RAB33B: variants seen among roughly 807,000 people sequenced by gnomAD.
The protein encoded by RAB33B is ras-related protein Rab-33B.
RAB33B carries 6 observed loss-of-function variants against 15.0 expected under a neutral mutation model. That is an observed-to-expected ratio of 0.40 (90% CI 0.22 to 0.79). RAB33B has a LOEUF of 0.79. RAB33B is among the 30% of genes least tolerant of loss of function. The pLI, the probability that RAB33B is intolerant of heterozygous loss-of-function variation, is 0.37. For synonymous variants in RAB33B, 117 were observed against 108.3 expected (o/e 1.08, Z -0.50); for missense variants, 257 against 296.4 (o/e 0.87, Z 0.98).
At chr4:139,462,697 C>A (rs1417044302) in intron 1 of RAB33B, among the ~76,000 whole-genome samples, 1 of 152,156 alleles carries the variant, frequency 6.6e-6, no homozygotes, top group African/African-American at 2.4e-5. Flanking sequence ...AATGGCAAAT[C>A]TTTGAAATAA....
intron 1 of RAB33B, among the ~76,000 whole-genome samples, chr4:139,471,527 T>G (rs1403353936): frequency 6.6e-6 from 1 of 151,714 alleles, no homozygotes; most frequent in Non-Finnish European, 1.5e-5. Flanking sequence ...ATGAAGTTTT[T>G]TTTTTTTTTT....
intron 1 of RAB33B, among the ~76,000 whole-genome samples, chr4:139,471,994 T>C (rs1750401393): frequency 6.6e-6 from 1 of 152,216 alleles, no homozygotes; most frequent in South Asian, 2.1e-4. Context: ...GGTAATCTTG[T>C]TAAAAATCAG....
chr4:139,451,363 C>CTTTTTTTTTTTTTTTTTTTTTTTTTTTTT (rs901731114), upstream of RAB33B: 1 of 108,664 alleles, frequency 9.2e-6, no homozygotes, highest in African/African-American at 3.9e-5. Context: ...ACCACACCCA[C>CTTTTTTTTTTTTTTTTTTTTTTTTTTTTT]TTTTTTTTTT....
intron 1 of RAB33B, among the ~76,000 whole-genome samples, chr4:139,470,483 A>G (rs1197355159): frequency 6.6e-6 from 1 of 152,156 alleles, no homozygotes; most frequent in East Asian, 1.9e-4. Context: ...AGGTCCAAAA[A>G]TGCTGTCCAA....
intron 1 of RAB33B, among the ~76,000 whole-genome samples, chr4:139,457,984 C>G (rs189660102): frequency 6.6e-6 from 1 of 152,164 alleles, no homozygotes; most frequent in Non-Finnish European, 1.5e-5. Context: ...TGAACTGTTG[C>G]AGCAGCTTAA....
intron 1 of RAB33B, among the ~76,000 whole-genome samples, chr4:139,471,989 T>A (rs921865550): frequency 1.3e-5 from 2 of 152,214 alleles, no homozygotes; most frequent in Admixed American, 1.3e-4. Flanking sequence ...TTCTTGGTAA[T>A]CTTGTTAAAA....
At chr4:139,442,143 G>A in the RAB33B span, among the ~76,000 whole-genome samples, 3 of 151,836 alleles carry the variant, frequency 2.0e-5, no homozygotes, top group African/African-American at 7.3e-5. Context: ...ATTATTTTTA[G>A]TGCTGTTAAC....
intron 1 of RAB33B, among the ~76,000 whole-genome samples, chr4:139,468,994 A>G (rs962637983): frequency 1.3e-5 from 2 of 151,662 alleles, no homozygotes; most frequent in Non-Finnish European, 2.9e-5. Context: ...TCCTTTCTTT[A>G]TTCTTGACCT....
the RAB33B span, among the ~76,000 whole-genome samples, chr4:139,440,907 C>G: frequency 6.6e-6 from 1 of 152,150 alleles, no homozygotes; most frequent in Non-Finnish European, 1.5e-5. Context: ...CACTGCACCC[C>G]ACCTCTCTTT....
chr4:139,442,035 G>A, the RAB33B span, among the ~76,000 whole-genome samples: 2 of 151,994 alleles, frequency 1.3e-5, no homozygotes, highest in South Asian at 4.2e-4. Flanking sequence ...TTATAAATCT[G>A]CAATCACGGT....
At chr4:139,439,331 T>A in the RAB33B span, among the ~76,000 whole-genome samples, 4 of 152,168 alleles carry the variant, frequency 2.6e-5, no homozygotes, top group Non-Finnish European at 4.4e-5. Context: ...TAGACTAAAT[T>A]TTTTCTTTTA....
the RAB33B span, among the ~76,000 whole-genome samples, chr4:139,440,935 AAAC>A: frequency 2.0e-5 from 3 of 152,098 alleles, no homozygotes; most frequent in South Asian, 2.1e-4. Context: ...TTTGGTCTTA[AAAC>A]AACATGCATT....
At chr4:139,464,412 T>TTA (rs1219590958) in intron 1 of RAB33B, among the ~76,000 whole-genome samples, 1 of 137,612 alleles carries the variant, frequency 7.3e-6, no homozygotes, top group Non-Finnish European at 1.5e-5. Flanking sequence ...TTTTTTTTTT[T>TTA]ATACTTTAAG....
At chr4:139,447,351 C>G in the RAB33B span, among the ~76,000 whole-genome samples, 3 of 152,134 alleles carry the variant, frequency 2.0e-5, no homozygotes, top group Admixed American at 1.3e-4. Context: ...CTCTCATAGC[C>G]AGGATTCACA....
intron 1 of RAB33B, among the ~76,000 whole-genome samples, chr4:139,465,722 C>CTTTT (rs375295002): frequency 3.1e-4 from 41 of 133,182 alleles, no homozygotes; most frequent in African/African-American, 4.4e-4. Flanking sequence ...TCTTCTTCTT[C>CTTTT]TTTTTTTTTT....
chr4:139,460,915 C>T (rs899007790), intron 1 of RAB33B, among the ~76,000 whole-genome samples: 1 of 152,108 alleles, frequency 6.6e-6, no homozygotes, highest in Non-Finnish European at 1.5e-5. Context: ...ATTTCAGAAG[C>T]CTATGATTCT....
rs1385783643 is a variant in RAB33B at position 139,474,597 on chromosome 4, T to G, written c.*1471T>G. ...TTGTGTCATATCAATTTTTAAGATGTCTAAATTTTATGGTCACAAGTTATC... is the reference window on the plus strand; with the variant it reads ...TTGTGTCATATCAATTTTTAAGATGGCTAAATTTTATGGTCACAAGTTATC... On this transcript the variant is annotated 3_prime_UTR_variant, in exon 2 of 2. Coordinates refer to ENST00000305626, the MANE Select transcript of RAB33B (RefSeq NM_031296.3). 1 of 152,668 alleles carries G rather than the reference T, an allele frequency of 6.6e-6. No homozygotes were observed. Among genetic ancestry groups the G allele is most frequent in the Non-Finnish European group, 1.5e-5 (1 of 68,032 alleles). The allele number at this position is 152,668 out of a possible 1,614,324, so 9.5% of individuals were successfully genotyped here.
intron 1 of RAB33B, among the ~76,000 whole-genome samples, chr4:139,471,848 T>C (rs1750398928): frequency 6.6e-6 from 1 of 152,264 alleles, no homozygotes; most frequent in African/African-American, 2.4e-5. Context: ...AAGTTTTAGC[T>C]CTTAAATTTA....
At chr4:139,441,158 G>T in the RAB33B span, among the ~76,000 whole-genome samples, 1 of 152,132 alleles carries the variant, frequency 6.6e-6, no homozygotes, top group Non-Finnish European at 1.5e-5. Flanking sequence ...CAGCTGAGCA[G>T]GATCCCAGAA....
Sources: allele counts gnomAD v4.1 joint callset (sites outside exome capture counted in the v4.1 genomes callset), GRCh38; gene constraint gnomAD v4.1.1; transcripts MANE v1.5; gene names NCBI Gene and HGNC (gene_info 2026-07-23, HGNC 2026-07-21).